The following NRG3 variants were observed in gnomAD, a reference collection of about 807,000 sequenced individuals.
NRG3 encodes the protein neuregulin 3.
A neutral mutation model predicts 66.9 loss-of-function variants in NRG3; 31 were observed. The observed-to-expected ratio is 0.46, with a 90% CI of 0.35 to 0.63. The LOEUF (loss-of-function observed/expected upper bound fraction) is 0.63. Ranked by LOEUF, NRG3 falls within the 20% of genes least tolerant of loss-of-function variation. The pLI, the probability that NRG3 is intolerant of heterozygous loss-of-function variation, is 0.00. For missense variants in NRG3, 910 were observed against 878.9 expected (o/e 1.04, Z -0.45); for synonymous variants, 393 against 359.4 (o/e 1.09, Z -1.06).
At position 82,694,991 on chromosome 10, in the gene NRG3, G is replaced by A. The variant is rs181113781; in HGVS notation, c.954-43586G>A. Among the ~76,000 whole-genome samples the A allele has an allele frequency of 4.2e-3, 641 of 152,054 alleles. 4 individuals are homozygous for A. Among genetic ancestry groups the A allele is most frequent in the Middle Eastern group, 0.034 (10 of 294 alleles). ...CTCATTTTAAGGCAGCCATTTTAAG[G>A]CAGCCATTTACAATTACAATTACAA... On this transcript the variant is annotated intron_variant, in intron 2 of 8. Coordinates refer to ENST00000372141, the MANE Select transcript of NRG3 (RefSeq NM_001010848.4).
intron 1 of NRG3, among the ~76,000 whole-genome samples, chr10:82,341,571 G>A (rs2082689831): frequency 6.6e-6 from 1 of 152,018 alleles, no homozygotes; most frequent in Non-Finnish European, 1.5e-5. Flanking sequence ...TAAGTCCTAA[G>A]AACAGATTTA....
chr10:81,936,391 C>T (rs1847873540), intron 1 of NRG3, among the ~76,000 whole-genome samples: 1 of 152,054 alleles, frequency 6.6e-6, no homozygotes, highest in African/African-American at 2.4e-5. Context: ...GGAGAGGTAG[C>T]TTAGAATTAG....
chr10:82,299,690 C>A (rs2080283128), intron 1 of NRG3, among the ~76,000 whole-genome samples: 2 of 152,060 alleles, frequency 1.3e-5, no homozygotes, highest in Admixed American at 1.3e-4. Context: ...TTGTAACTGA[C>A]ACCCTGCGGG....
At chr10:82,707,460 G>A (rs2256793) in intron 2 of NRG3, among the ~76,000 whole-genome samples, 123,067 of 151,552 alleles carry the variant, frequency 0.81, 51,683 homozygotes, top group East Asian at 1. Context: ...TTCAACCTCA[G>A]CCTCCCAGCT....
chr10:82,259,075 A>T (rs1400491062), intron 1 of NRG3, among the ~76,000 whole-genome samples: 1 of 152,124 alleles, frequency 6.6e-6, no homozygotes, highest in African/African-American at 2.4e-5. Flanking sequence ...GCTCAGACCT[A>T]TTCTGTGGCC....
rs572393386 is a variant in NRG3, at chr10:82,655,167, G to A, written c.954-83410G>A. ...TCGTGTTAGAAATAGTACAGTGAAA[G>A]TACACGAAGACAAAATAAAATGATT... On this transcript the variant is annotated intron_variant, in intron 2 of 8. Coordinates refer to ENST00000372141, the MANE Select transcript of NRG3 (RefSeq NM_001010848.4). Among the ~76,000 whole-genome samples, 15 of 151,846 alleles carry A rather than the reference G, an allele frequency of 9.9e-5. No individual in the cohort carries two copies. The South Asian group carries it at 2.7e-3, about 27-fold the overall frequency.
intron 1 of NRG3, among the ~76,000 whole-genome samples, chr10:82,345,995 T>A (rs1257380985): frequency 6.6e-6 from 1 of 152,184 alleles, no homozygotes; most frequent in Non-Finnish European, 1.5e-5. Flanking sequence ...AGATATACAA[T>A]CATGTCATCT....
intron 3 of NRG3, among the ~76,000 whole-genome samples, chr10:82,741,675 A>G (rs2058430222): frequency 6.6e-6 from 1 of 152,140 alleles, no homozygotes; most frequent in South Asian, 2.1e-4. Flanking sequence ...CAGGGAAGCT[A>G]AGTAAACTTG....
chr10:82,853,223 A>G lies in NRG3; in HGVS notation c.1028-12188A>G, dbSNP rs752253513. Among the ~76,000 whole-genome samples, 23 of 152,214 alleles carry G rather than the reference A, an allele frequency of 1.5e-4. 1 individual carries two copies. The highest frequency in any genetic ancestry group is 1.9e-4 in the East Asian group (1 of 5,196). ...CGCCAAAGATGGCCTGAATGAAAGC[A>G]TTAGTAGAAATTAGTATAAAGTTTT... is the stretch of plus-strand genomic sequence containing the variant. On this transcript the variant is annotated intron_variant, in intron 3 of 8. Transcript: ENST00000372141.
chr10:82,391,993 C>CAAAAAAAAAA (rs775895969), intron 2 of NRG3, among the ~76,000 whole-genome samples: 3 of 38,740 alleles, frequency 7.7e-5, no homozygotes, highest in African/African-American at 1.0e-4. Context: ...CGAGCACATG[C>CAAAAAAAAAA]AAAAAAAAAA....
At chr10:82,393,332 G>A (rs1248613484) in intron 2 of NRG3, among the ~76,000 whole-genome samples, 2 of 152,114 alleles carry the variant, frequency 1.3e-5, no homozygotes, top group African/African-American at 4.8e-5. Context: ...TTCAAAGACC[G>A]AGGAGACAGG....
At chr10:82,392,760 A>C (rs1004567975) in intron 2 of NRG3, among the ~76,000 whole-genome samples, 7 of 152,164 alleles carry the variant, frequency 4.6e-5, no homozygotes, top group African/African-American at 1.7e-4. Context: ...AACATGTATC[A>C]GTGAGATATT....
At chr10:81,937,362 A>C (rs1160946614) in intron 1 of NRG3, among the ~76,000 whole-genome samples, 2 of 152,106 alleles carry the variant, frequency 1.3e-5, no homozygotes, top group African/African-American at 2.4e-5. Flanking sequence ...ATGTTTCCAT[A>C]GCAGCTACAC....
intron 1 of NRG3, among the ~76,000 whole-genome samples, chr10:82,131,181 A>T (rs1410846104): frequency 6.6e-6 from 1 of 152,130 alleles, no homozygotes; most frequent in Non-Finnish European, 1.5e-5. Context: ...TTGAGGTCTT[A>T]GATTTAAGTA....
intron 2 of NRG3, among the ~76,000 whole-genome samples, chr10:82,603,370 A>G (rs1024037214): frequency 1.3e-5 from 2 of 152,178 alleles, no homozygotes; most frequent in African/African-American, 4.8e-5. Context: ...GCTTCTGTAC[A>G]TGTCCTAGAA....
At chr10:82,193,877 A>G (rs1351656301) in intron 1 of NRG3, among the ~76,000 whole-genome samples, 1 of 152,176 alleles carries the variant, frequency 6.6e-6, no homozygotes, top group Non-Finnish European at 1.5e-5. Context: ...CGGCATTGAC[A>G]CTGAATAACC....
intron 2 of NRG3, among the ~76,000 whole-genome samples, chr10:82,435,107 T>G (rs541321974): frequency 1.3e-5 from 2 of 152,328 alleles, no homozygotes; most frequent in African/African-American, 4.8e-5. Context: ...TATTCATTAC[T>G]GCCTCTGTTT....
At chr10:82,105,674 GTCCA>G in intron 1 of NRG3, among the ~76,000 whole-genome samples, 1 of 152,168 alleles carries the variant, frequency 6.6e-6, no homozygotes, top group Non-Finnish European at 1.5e-5. Flanking sequence ...TACACTATCT[GTCCA>G]TTTTTCTTCT....
At chr10:82,795,210 G>A (rs1352335882) in intron 3 of NRG3, among the ~76,000 whole-genome samples, 2 of 152,072 alleles carry the variant, frequency 1.3e-5, no homozygotes, top group Non-Finnish European at 2.9e-5. Flanking sequence ...GTATAACAGA[G>A]GTATAATGAC....
Sources: gnomAD v4.1 joint callset for allele counts (sites outside exome capture counted in the v4.1 genomes callset) on GRCh38, gnomAD v4.1.1 for gene constraint, MANE v1.5 for transcripts, NCBI Gene and HGNC (gene_info 2026-07-23, HGNC 2026-07-21) for gene names.